Variants in TAF15 observed in about 807,000 individuals in gnomAD.
TAF15 encodes TATA-box binding protein associated factor 15.
TAF15 carries 37 observed loss-of-function variants against 102.5 expected under a neutral mutation model. That is an observed-to-expected ratio of 0.36 (90% CI 0.28 to 0.47). TAF15 has a LOEUF of 0.47. Ranked by LOEUF, TAF15 falls within the 20% of genes least tolerant of loss-of-function variation. The probability of loss-of-function intolerance (pLI) is 0.99; values close to 1 mark genes in which losing one functional copy is unlikely to be tolerated. For missense variants in TAF15, 652 were observed against 760.7 expected (o/e 0.86, Z 1.68); for synonymous variants, 273 against 259.2 (o/e 1.05, Z -0.51).
At chr17:35,813,319 C>T (rs2087149253) in intron 1 of TAF15, among the ~76,000 whole-genome samples, 1 of 151,900 alleles carries the variant, frequency 6.6e-6, no homozygotes, top group Admixed American at 6.6e-5. Flanking sequence ...TTCCAGCATT[C>T]AATTCAGGGG....
intron 7 of TAF15, among the ~76,000 whole-genome samples, chr17:35,826,325 GC>G (rs145271309): frequency 0.018 from 2,730 of 152,140 alleles, 29 homozygotes; most frequent in Middle Eastern, 0.071. Context: ...TTCATGAAAG[GC>G]CTTTTTTAGA....
chr17:35,836,368 T>G (rs1242245986), intron 10 of TAF15, 127 bp downstream of exon 10: 2 of 682,708 alleles, frequency 2.9e-6, no homozygotes, highest in Non-Finnish European at 5.1e-6. Flanking sequence ...CACATGCTCG[T>G]TTATGTCTGT....
intron 12 of TAF15, among the ~76,000 whole-genome samples, chr17:35,843,351 C>T (rs1175711518): frequency 1.3e-5 from 2 of 152,034 alleles, no homozygotes; most frequent in East Asian, 3.9e-4. Flanking sequence ...CTCGAACTCC[C>T]GACCTGAGAT....
chr17:35,809,541 G>A lies in TAF15; in HGVS notation c.-29G>A, dbSNP rs750736576. On this transcript the variant is annotated 5_prime_UTR_variant, in exon 1 of 16. The change creates a new upstream start codon in the 5' untranslated region. Coordinates refer to ENST00000605844, the MANE Select transcript of TAF15 (RefSeq NM_139215.3). ...TCGTATTCGTTGTTCTCGGCGGGCT[G>A]TGGGGCCTCCGCGCCGCGGCCGTTA... is the stretch of plus-strand genomic sequence containing the variant. The A allele has an allele frequency of 1.2e-6, 2 of 1,612,960 alleles. No individual in the cohort carries two copies. The highest frequency in any genetic ancestry group is 8.5e-7 in the Non-Finnish European group (1 of 1,179,756).
chr17:35,844,527 G>A lies in TAF15; in HGVS notation c.1228G>A (p.Gly410Ser), dbSNP rs761326413. ...GGERGYRGRG[G>S]RGGDRGGYGG... ...AGAGAGGGGCTACAGAGGTCGTGGG[G>A]GCAGAGGTGGAGACCGAGGCGGCTA... The change falls in exon 15 of 16, where the codon GGC becomes AGC. Residue 410 changes from glycine to serine, a missense_variant. Coordinates refer to ENST00000605844, the MANE Select transcript of TAF15 (RefSeq NM_139215.3). 1.2e-6 allele frequency: 2 copies of A among 1,611,462 alleles called. No individual in the cohort carries two copies. The highest frequency in any genetic ancestry group is 1.1e-5 in the South Asian group (1 of 90,940).
intron 1 of TAF15, among the ~76,000 whole-genome samples, chr17:35,812,606 A>C (rs2087138265): frequency 6.8e-6 from 1 of 146,828 alleles, no homozygotes; most frequent in Middle Eastern, 3.4e-3. Flanking sequence ...AAAAAAAAAA[A>C]CCTGAAAAAC....
chr17:35,824,292 T>C (rs1239735235), intron 7 of TAF15, 94 bp downstream of exon 7: 2 of 1,519,122 alleles, frequency 1.3e-6, no homozygotes, highest in East Asian at 2.3e-5. Flanking sequence ...CAGCATCTAA[T>C]TTAGTTAAGA....
intron 7 of TAF15, among the ~76,000 whole-genome samples, chr17:35,826,880 G>A (rs1437813048): frequency 6.7e-6 from 1 of 150,106 alleles, no homozygotes; most frequent in Non-Finnish European, 1.5e-5. Context: ...ATTTTTATGT[G>A]TCATAACACA....
chr17:35,813,683 ACTC>A (rs1447817296), intron 1 of TAF15, among the ~76,000 whole-genome samples: 2 of 142,216 alleles, frequency 1.4e-5, no homozygotes, highest in Non-Finnish European at 3.1e-5. Context: ...TAGATTAAAA[ACTC>A]CTGTCATACA....
chr17:35,838,742 C>T lies in TAF15; in HGVS notation c.913+189C>T, dbSNP rs369087250. Among the ~76,000 whole-genome samples, 33 of 152,216 alleles carry T rather than the reference C, an allele frequency of 2.2e-4. No homozygotes were observed. In the South Asian group the frequency reaches 6.4e-3, roughly 30 times the overall value. ...CTATCGTTGTTGGTCTAGCATATTT[C>T]GTTATATCATGCCTTGTGCATGAGG... On this transcript the variant is annotated intron_variant, in intron 11 of 15. Transcript: ENST00000605844.
intron 1 of TAF15, among the ~76,000 whole-genome samples, chr17:35,814,550 A>G (rs775971990): frequency 1.3e-5 from 2 of 151,604 alleles, no homozygotes; most frequent in Non-Finnish European, 2.9e-5. Context: ...ACATAGGCCT[A>G]TACTTTTGTG....
chr17:35,815,790 GTC>G, intron 1 of TAF15, among the ~76,000 whole-genome samples: 1 of 152,166 alleles, frequency 6.6e-6, no homozygotes, highest in East Asian at 1.9e-4. Context: ...TCTCTTAATG[GTC>G]TAATTAGATT....
At chr17:35,834,714 G>A in intron 9 of TAF15, 116 bp downstream of exon 9, 1 of 815,128 alleles carries the variant, frequency 1.2e-6, no homozygotes. Flanking sequence ...ATTTGATAGT[G>A]CTGCCAGAAC....
At chr17:35,811,950 A>G (rs1206322647) in intron 1 of TAF15, among the ~76,000 whole-genome samples, 1 of 152,250 alleles carries the variant, frequency 6.6e-6, no homozygotes, top group Non-Finnish European at 1.5e-5. Context: ...ATGAAGTAGG[A>G]GCCAGCATGG....
chr17:35,834,077 T>A lies in TAF15; in HGVS notation c.640+136T>A, dbSNP rs572190893. The A allele has an allele frequency of 1.2e-4, 72 of 594,850 alleles. No individual in the cohort carries two copies. The Middle Eastern group carries it at 1.5e-3, about 12-fold the overall frequency. The allele number at this position is 594,850 out of a possible 1,614,324, so 36.8% of individuals were successfully genotyped here. ...TGTGTGTTGTGTGCTTTAAAAAAAA[T>A]TTTATATATATATATATACACATAT... On this transcript the variant is annotated intron_variant, in intron 8 of 15. Coordinates refer to ENST00000605844, the MANE Select transcript of TAF15 (RefSeq NM_139215.3).
intron 7 of TAF15, among the ~76,000 whole-genome samples, chr17:35,829,789 C>T (rs1013950133): frequency 2.6e-5 from 4 of 152,112 alleles, no homozygotes; most frequent in Middle Eastern, 3.4e-3. Context: ...AGTATGCCTT[C>T]GTGTGGGCTG....
At position 35,844,918 on chromosome 17, in the gene TAF15, G is replaced by A; in HGVS notation, c.1619G>A (p.Gly540Asp). Residue 540 changes from glycine (G) to aspartate (D), a missense_variant, in exon 15 of 16, where the codon GGC becomes GAC. Gly to Asp is a moderately conservative substitution (Grantham distance 94, BLOSUM62 -1). This residue lies in a region of TAF15 where 368 missense variants were observed against 367.5 expected (regional missense o/e 1.00). Transcript: ENST00000605844. ...GYGGDRGGGS[G>D]YGGDRSGGYG... is the part of the protein sequence containing the mutation. Reference sequence around the variant, plus strand: ...GGAGGAGACCGTGGTGGTGGCAGTGGCTACGGTGGAGACCGAAGTGGAGGC... The same window carrying A: ...GGAGGAGACCGTGGTGGTGGCAGTGACTACGGTGGAGACCGAAGTGGAGGC... 1 of 1,613,316 alleles carries A rather than the reference G, an allele frequency of 6.2e-7. No individual in the cohort carries two copies. The highest frequency in any genetic ancestry group is 1.1e-5 in the South Asian group (1 of 91,038).
intron 2 of TAF15, among the ~76,000 whole-genome samples, chr17:35,819,052 A>G (rs1013413411): frequency 5.3e-5 from 8 of 152,166 alleles, no homozygotes; most frequent in Admixed American, 5.2e-4. Flanking sequence ...TTCAACTTAT[A>G]GGATAAATGT....
intron 7 of TAF15, among the ~76,000 whole-genome samples, chr17:35,827,574 T>A (rs928063449): frequency 6.6e-6 from 1 of 151,638 alleles, no homozygotes; most frequent in Non-Finnish European, 1.5e-5. Flanking sequence ...GACACGATGG[T>A]GGGTGCCTAT....
Sources: gnomAD v4.1 joint callset for allele counts (sites outside exome capture counted in the v4.1 genomes callset) on GRCh38, gnomAD v4.1.1 for gene constraint, gnomAD v4.1.1 regional missense constraint, MANE v1.5 for transcripts, NCBI Gene and HGNC (gene_info 2026-07-23, HGNC 2026-07-21) for gene names.